APBB3: variants seen among roughly 807,000 people sequenced by gnomAD.
APBB3 encodes the protein amyloid beta precursor protein binding family B member 3.
APBB3 carries 50 observed loss-of-function variants against 61.5 expected under a neutral mutation model. That is an observed-to-expected ratio of 0.81 (90% CI 0.65 to 1.03). The LOEUF (loss-of-function observed/expected upper bound fraction) is 1.03. Ranked by LOEUF, APBB3 falls within the 50% of genes least tolerant of loss-of-function variation. The pLI is 0.00. For synonymous variants in APBB3, 235 were observed against 233.0 expected (o/e 1.01, Z -0.08); for missense variants, 550 against 637.4 (o/e 0.86, Z 1.48).
chr5:140,563,588 C>T lies in APBB3; in HGVS notation c.290+6G>A, dbSNP rs371662609. 4.6e-5 allele frequency: 74 copies of T among 1,614,070 alleles called. No individual in the cohort carries two copies. Among genetic ancestry groups the T allele is most frequent in the Non-Finnish European group, 5.9e-5 (70 of 1,180,044 alleles). ...AGCCTTTCATTTTGCCTGGGCCACC[C>T]GTTACCTCCGGTCCAGTGAACTCTC... On this transcript the variant is annotated splice_donor_region_variant and intron_variant, in intron 3 of 12. Transcript: ENST00000357560.
chr5:140,559,493 T>C (rs990767072), intron 12 of APBB3, among the ~76,000 whole-genome samples: 12 of 152,164 alleles, frequency 7.9e-5, no homozygotes, highest in African/African-American at 2.7e-4. Flanking sequence ...GATAAACTCA[T>C]CACCCTGACC....
At position 140,564,299 on chromosome 5, in the gene APBB3, G is replaced by C; in HGVS notation, c.-54C>G. Reference sequence around the variant, plus strand: ...CCGGCCCGCACTCTCAGCCCAGCGCGACCTCTGGAGCTACTGCGCCTGCAA... The same window carrying C: ...CCGGCCCGCACTCTCAGCCCAGCGCCACCTCTGGAGCTACTGCGCCTGCAA... On this transcript the variant is annotated 5_prime_UTR_variant, in exon 1 of 13. Transcript: ENST00000357560. This position sits in a 1 kb window ranked among gnomAD's most constrained non-coding sequence, Gnocchi z 5.0. 2 of 1,594,838 alleles carry C rather than the reference G, an allele frequency of 1.3e-6. No individual in the cohort carries two copies. Among genetic ancestry groups the C allele is most frequent in the Non-Finnish European group, 1.7e-6 (2 of 1,175,124 alleles).
chr5:140,561,421 C>T lies in APBB3; in HGVS notation c.776G>A (p.Gly259Asp), dbSNP rs755440776. The T allele has an allele frequency of 1.2e-5, 19 of 1,614,192 alleles. No homozygotes were observed. The East Asian group carries it at 3.6e-4, about 30-fold the overall frequency. ...GTCTGGGGAGCAGCAAGAGGCATCA[C>T]CACTGACCTCTACTCGCTCTGACAA... ...QILSERVEVSGDASCCSPDPI... is the reference protein window; with the variant it reads ...QILSERVEVSDDASCCSPDPI... Residue 259 changes from glycine to aspartate, a missense_variant, in exon 9 of 13, where the codon GGT becomes GAT. Physicochemically the swap from Gly to Asp is moderately conservative, Grantham distance 94 (BLOSUM62 -1). This residue lies in a region of APBB3 where 405 missense variants were observed against 483.4 expected (regional missense o/e 0.84). Transcript: ENST00000357560.
Position 140,564,369 on chromosome 5 carries a change from C to A in APBB3, c.-124G>T. The A allele has an allele frequency of 1.7e-6, 2 of 1,211,298 alleles. No individual in the cohort carries two copies. The highest frequency in any genetic ancestry group is 2.3e-6 in the Non-Finnish European group (2 of 858,128). The allele number at this position is 1,211,298 out of a possible 1,614,324, so 75.0% of individuals were successfully genotyped here. ...CAGGCTGCGGGGCCAGCTGGCGCCG[C>A]ACAAATACGGGGCGGGACACGGGGC... On this transcript the variant is annotated 5_prime_UTR_variant, in exon 1 of 13. Coordinates refer to ENST00000357560, the MANE Select transcript of APBB3 (RefSeq NM_133173.3). The surrounding 1 kb of genome is among the most constrained non-coding windows in gnomAD (Gnocchi z 5.0).
chr5:140,561,827 A>C lies in APBB3; in HGVS notation c.632+17T>G, dbSNP rs1321391528. 2 of 1,613,798 alleles carry C rather than the reference A, an allele frequency of 1.2e-6. No homozygotes were observed. Among genetic ancestry groups the C allele is most frequent in the South Asian group, 2.2e-5 (2 of 90,960 alleles). Reference sequence around the variant, plus strand: ...GGACATCAGGGATGGGGCTCAGGATACCTGGTTTTCACTCACCTGTCACTG... The same window carrying C: ...GGACATCAGGGATGGGGCTCAGGATCCCTGGTTTTCACTCACCTGTCACTG... On this transcript the variant is annotated intron_variant, in intron 7 of 12. Coordinates refer to ENST00000357560, the MANE Select transcript of APBB3 (RefSeq NM_133173.3).
chr5:140,558,872 C>G (rs757868663), intron 12 of APBB3, 51 bp from the exon 13 acceptor site: 2 of 1,538,042 alleles, frequency 1.3e-6, no homozygotes, highest in Non-Finnish European at 1.8e-6. Flanking sequence ...CTCTAGACTC[C>G]CTGAAAGCTT....
rs778609897 is a variant in APBB3 at position 140,560,635 on chromosome 5, G to A, written c.1032+4C>T. On this transcript the variant is annotated splice_donor_region_variant and intron_variant, in intron 11 of 12. Transcript: ENST00000357560. The surrounding 1 kb of genome is among the most constrained non-coding windows in gnomAD (Gnocchi z 5.1). ...AAGCCCCCAACTTCACCCTCTTCTG[G>A]TACCTGAATGGGGTGTGCAGTCATG... 1.8e-5 allele frequency: 29 copies of A among 1,613,868 alleles called. No individual in the cohort carries two copies. Among genetic ancestry groups the A allele is most frequent in the Middle Eastern group, 1.7e-4 (1 of 6,060 alleles).
In APBB3 at chr5:140,560,645, G is replaced by T; in HGVS notation, c.1026C>A (p.Pro342=). The T allele has an allele frequency of 6.2e-7, 1 of 1,613,998 alleles. No individual in the cohort carries two copies. The highest frequency in any genetic ancestry group is 8.5e-7 in the Non-Finnish European group (1 of 1,179,884). ...CTTCACCCTCTTCTGGTACCTGAAT[G>T]GGGTGTGCAGTCATGAGAGAGTCAG... ...SVSDSLMTAH[P]IQAEASTEEE... is the part of the protein sequence containing the mutation. The change falls in exon 11 of 13, where the codon CCC becomes CCA. Residue 342 remains proline (P), a synonymous_variant. Transcript: ENST00000357560. The surrounding 1 kb of genome is among the most constrained non-coding windows in gnomAD (Gnocchi z 5.1).
Position 140,560,716 on chromosome 5 carries a change from C to T in APBB3, c.955G>A (p.Ala319Thr), listed in dbSNP as rs140074108. 3.1e-5 allele frequency: 50 copies of T among 1,614,028 alleles called. No individual in the cohort carries two copies. The African/African-American group carries it at 4.5e-4, about 15-fold the overall frequency. ...ACCCAGGCATTCCGGTCCCCCCTGGCGGTGAGGGTACCAATGGCCTCGTTC... is the reference window on the plus strand; with the variant it reads ...ACCCAGGCATTCCGGTCCCCCCTGGTGGTGAGGGTACCAATGGCCTCGTTC... ...VLNEAIGTLT[A>T]RGDRNAWVPT... is the part of the protein sequence containing the mutation. Residue 319 changes from alanine to threonine, a missense_variant, in exon 11 of 13, where the codon GCC becomes ACC. By Grantham distance (58) the Ala-to-Thr change is moderately conservative. Transcript: ENST00000357560. The surrounding 1 kb of genome is among the most constrained non-coding windows in gnomAD (Gnocchi z 5.1).
Position 140,560,033 on chromosome 5 carries a change from A to G in APBB3, c.1224+280T>C, listed in dbSNP as rs1561868865. 6.6e-6 allele frequency among the ~76,000 whole-genome samples: 1 copy of G among 152,204 alleles called. No individual in the cohort carries two copies. The highest frequency in any genetic ancestry group is 2.4e-5 in the African/African-American group (1 of 41,436). On this transcript the variant is annotated intron_variant, in intron 12 of 12. Transcript: ENST00000357560. The surrounding 1 kb of genome is among the most constrained non-coding windows in gnomAD (Gnocchi z 5.1). ...CTCTTTAGGGCACAGCTTCTGCACA[A>G]CTCTGGCTGCATGCTGACACTTACA...
At chr5:140,562,941 G>A (rs1755029044) in intron 3 of APBB3, 1 of 565,830 alleles carries the variant, frequency 1.8e-6, no homozygotes, top group Non-Finnish European at 3.1e-6. Context: ...CCAGACACAG[G>A]ACATAGAATA....
Position 140,564,304 on chromosome 5 carries a change from C to G in APBB3, c.-59G>C. ...CCGCACTCTCAGCCCAGCGCGACCT[C>G]TGGAGCTACTGCGCCTGCAAGCCCA... On this transcript the variant is annotated 5_prime_UTR_variant, in exon 1 of 13. Transcript: ENST00000357560. This position sits in a 1 kb window ranked among gnomAD's most constrained non-coding sequence, Gnocchi z 5.0. 1 of 1,589,456 alleles carries G rather than the reference C, an allele frequency of 6.3e-7. No homozygotes were observed. Among genetic ancestry groups the G allele is most frequent in the Non-Finnish European group, 8.5e-7 (1 of 1,171,610 alleles).
intron 2 of APBB3, 38 bp from the exon 3 acceptor site, chr5:140,563,708 A>AG: frequency 6.2e-7 from 1 of 1,614,028 alleles, no homozygotes; most frequent in Non-Finnish European, 8.5e-7. Flanking sequence ...CAGCAGACCT[A>AG]GGTCCACACA....
rs570586896 is a variant in APBB3, at chr5:140,560,704, G to A, written c.967C>T (p.Arg323Trp). The stretch of plus-strand genomic sequence containing the variant: ...AGCATGGTGGGGACCCAGGCATTCC[G>A]GTCCCCCCTGGCGGTGAGGGTACCA... ...AIGTLTARGD[R>W]NAWVPTMLSV... The change falls in exon 11 of 13, where the codon CGG becomes TGG. Residue 323 changes from arginine (R) to tryptophan (W), a missense_variant. Physicochemically the swap from Arg to Trp is moderately radical, Grantham distance 101. Around this residue, in one of 3 missense-constraint regions of APBB3, gnomAD observed 405 missense variants for 483.4 expected, o/e 0.84. Transcript: ENST00000357560. This position sits in a 1 kb window ranked among gnomAD's most constrained non-coding sequence, Gnocchi z 5.1. 17 of 1,614,054 alleles carry A rather than the reference G, an allele frequency of 1.1e-5. No individual in the cohort carries two copies. Among genetic ancestry groups the A allele is most frequent in the South Asian group, 3.3e-5 (3 of 91,088 alleles).
In APBB3 at chr5:140,562,359, C is replaced by G; in HGVS notation, c.492G>C (p.Trp164Cys). ...RSRSQPPDGA[W>C]GEGQNMLMIL... ...AAGGGCCCAGCCAACTCACCTCACC[C>G]CAGGCACCATCTGGAGGCTGGCTCC... Residue 164 changes from tryptophan (W) to cysteine (C), a missense_variant, in exon 5 of 13, where the codon TGG becomes TGC. Physicochemically the swap from Trp to Cys is radical, Grantham distance 215 (BLOSUM62 -2). Coordinates refer to ENST00000357560, the MANE Select transcript of APBB3 (RefSeq NM_133173.3). 1 of 1,614,046 alleles carries G rather than the reference C, an allele frequency of 6.2e-7. No individual in the cohort carries two copies.
chr5:140,563,823 G>A lies in APBB3; in HGVS notation c.142C>T (p.His48Tyr). 6.2e-7 allele frequency: 1 copy of A among 1,614,200 alleles called. No homozygotes were observed. Among genetic ancestry groups the A allele is most frequent in the Non-Finnish European group, 8.5e-7 (1 of 1,180,032 alleles). ...IHDAAGTYYW[H>Y]VPSGSTQWQR... ...CACTGGGTGCTACCGCTGGGTACAT[G>A]CCAGTAGTAAGTACCTGCAGCATCG... Residue 48 changes from histidine to tyrosine, a missense_variant, in exon 2 of 13, where the codon CAT becomes TAT. Physicochemically the swap from His to Tyr is moderately conservative, Grantham distance 83. This residue lies in a region of APBB3 where 405 missense variants were observed against 483.4 expected (regional missense o/e 0.84). Transcript: ENST00000357560.
Position 140,561,052 on chromosome 5 carries a change from C to T in APBB3, c.882G>A (p.Leu294=). ...TGGTGACTGGCAGTGTCCCCATATACAGTGCCTCGTACTTCTGAGCAGCTT... is the reference window on the plus strand; with the variant it reads ...TGGTGACTGGCAGTGTCCCCATATATAGTGCCTCGTACTTCTGAGCAGCTT... ...VSQAAQKYEA[L]YMGTLPVTKA... The change falls in exon 10 of 13, where the codon CTG becomes CTA. Residue 294 remains leucine (L), a synonymous_variant. Coordinates refer to ENST00000357560, the MANE Select transcript of APBB3 (RefSeq NM_133173.3). 2 of 1,613,908 alleles carry T rather than the reference C, an allele frequency of 1.2e-6. No homozygotes were observed. The highest frequency in any genetic ancestry group is 1.3e-5 in the African/African-American group (1 of 75,048).
chr5:140,560,283 C>G lies in APBB3; in HGVS notation c.1224+30G>C. ...CAGTGGAGAGCAGCTGCAGGGCAAT[C>G]CCACCAACCCATTCCCACCCATGAC... On this transcript the variant is annotated intron_variant, in intron 12 of 12. Transcript: ENST00000357560. The surrounding 1 kb of genome is among the most constrained non-coding windows in gnomAD (Gnocchi z 5.1). 10 of 1,596,036 alleles carry G rather than the reference C, an allele frequency of 6.3e-6. No homozygotes were observed. In the African/African-American group the frequency reaches 1.2e-4, roughly 20 times the overall value.
At chr5:140,562,945 T>C (rs1217898255) in intron 3 of APBB3, 5 of 558,186 alleles carry the variant, frequency 9.0e-6, no homozygotes, top group Non-Finnish European at 1.6e-5. Flanking sequence ...ACACAGGACA[T>C]AGAATAAAAG....
Sources: gnomAD v4.1 joint callset for allele counts (sites outside exome capture counted in the v4.1 genomes callset) on GRCh38, gnomAD v4.1.1 for gene constraint, gnomAD v4.1.1 regional missense constraint, Gnocchi (gnomAD v3.1) non-coding constraint, MANE v1.5 for transcripts, NCBI Gene and HGNC (gene_info 2026-07-23, HGNC 2026-07-21) for gene names.